The following EPHB2 variants were observed in gnomAD, a reference collection of about 807,000 sequenced individuals.
EPHB2 encodes the protein EPH receptor B2, also known as ephrin type-B receptor 2.
A neutral mutation model predicts 96.4 loss-of-function variants in EPHB2; 18 were observed. That is an observed-to-expected ratio of 0.19 (90% CI 0.13 to 0.28). The LOEUF is 0.28. Among genes scored for constraint, EPHB2 ranks in the 10% least tolerant of loss-of-function variants. The probability of loss-of-function intolerance (pLI) is 1.00; values close to 1 mark genes in which losing one functional copy is unlikely to be tolerated. For missense variants in EPHB2, 989 were observed against 1,355.4 expected, an observed-to-expected ratio of 0.73 and a Z score of 4.25; for synonymous variants, 506 against 534.1, an observed-to-expected ratio of 0.95 and a Z score of 0.72.
At chr1:22,723,177 G>A (rs139781975) in intron 1 of EPHB2, among the ~76,000 whole-genome samples, 2 of 152,336 alleles carry the variant, frequency 1.3e-5, no homozygotes, top group African/African-American at 2.4e-5. Context: ...CATCTGAAAC[G>A]TGTAAGTGGG....
intron 3 of EPHB2, among the ~76,000 whole-genome samples, chr1:22,805,881 G>A (rs28536506): frequency 0.06 from 9,200 of 152,234 alleles, 835 homozygotes; most frequent in African/African-American, 0.2. Context: ...GTGGGAGGCC[G>A]AGCCCATTTG....
intron 1 of EPHB2, chr1:22,775,368 G>C (rs1644435535): frequency 1.4e-6 from 1 of 699,738 alleles, no homozygotes; most frequent in South Asian, 1.5e-5. Context: ...GGCATGTATA[G>C]GTGCTTAATG....
intron 3 of EPHB2, among the ~76,000 whole-genome samples, chr1:22,834,362 T>C (rs1257992345): frequency 6.6e-6 from 1 of 152,214 alleles, no homozygotes; most frequent in Non-Finnish European, 1.5e-5. Flanking sequence ...GGGGGTCTTG[T>C]ATGGTGGCCA....
chr1:22,832,314 G>C (rs555826105), intron 3 of EPHB2, among the ~76,000 whole-genome samples: 2 of 152,186 alleles, frequency 1.3e-5, no homozygotes, highest in East Asian at 3.9e-4. Context: ...TCTCAGTGTT[G>C]CTGGGCTGAT....
intron 3 of EPHB2, among the ~76,000 whole-genome samples, chr1:22,819,210 T>TCTCTCTCTCTCTCC (rs1557693991): frequency 9.9e-6 from 1 of 101,224 alleles, no homozygotes; most frequent in Non-Finnish European, 2.1e-5. Context: ...CAGATGTCTC[T>TCTCTCTCTCTCTCC]CTCTCTCTCT....
chr1:22,853,342 T>C (rs901451630), intron 3 of EPHB2, among the ~76,000 whole-genome samples: 16 of 152,106 alleles, frequency 1.1e-4, no homozygotes, highest in African/African-American at 3.4e-4. Context: ...GACAAACAAT[T>C]CCTGAAGCCT....
rs1640239440 is a variant in EPHB2, at chr1:22,915,384, G to C, written c.*1814G>C. On this transcript the variant is annotated 3_prime_UTR_variant, in exon 16 of 16. Transcript: ENST00000374630. ...ACCTTGGTACCCTTGGGATGCACGT[G>C]ACCCAGGTGCTAAGGGTTGCTCTTC... 6.6e-6 allele frequency: 1 copy of C among 152,220 alleles called. No homozygotes were observed. Among genetic ancestry groups the C allele is most frequent in the African/African-American group, 2.4e-5 (1 of 41,450 alleles). The allele number at this position is 152,220 out of a possible 1,614,324, so 9.4% of individuals were successfully genotyped here.
intron 3 of EPHB2, among the ~76,000 whole-genome samples, chr1:22,798,308 A>G (rs1644795891): frequency 5.3e-5 from 8 of 152,122 alleles, no homozygotes; most frequent in Admixed American, 5.2e-4. Context: ...AGGGACTGAC[A>G]TGGCCAGGGC....
chr1:22,825,493 TA>T (rs1645210094), intron 3 of EPHB2, among the ~76,000 whole-genome samples: 1 of 152,218 alleles, frequency 6.6e-6, no homozygotes, highest in Non-Finnish European at 1.5e-5. Context: ...GTCTCAGGCC[TA>T]GCTTTGCTGC....
rs778954379 is a variant in EPHB2 at position 22,914,944 on chromosome 1, A to G, written c.*1374A>G. ...ACTTCCCACTCTCCTGCCCCAATCTATCTAGTACTTCCCAGGCAAATAGGC... is the reference window on the plus strand; with the variant it reads ...ACTTCCCACTCTCCTGCCCCAATCTGTCTAGTACTTCCCAGGCAAATAGGC... On this transcript the variant is annotated 3_prime_UTR_variant, in exon 16 of 16. Transcript: ENST00000374630. 3 of 152,588 alleles carry G rather than the reference A, an allele frequency of 2.0e-5. No individual in the cohort carries two copies. The highest frequency in any genetic ancestry group is 4.8e-5 in the African/African-American group (2 of 41,434). The allele number at this position is 152,588 out of a possible 1,614,324, so 9.5% of individuals were successfully genotyped here. A position where few individuals can be genotyped will look rare whatever the true frequency, so the allele number is the denominator to read the frequency against.
intron 1 of EPHB2, among the ~76,000 whole-genome samples, chr1:22,740,969 G>T (rs958796601): frequency 6.6e-6 from 1 of 152,010 alleles, no homozygotes; most frequent in African/African-American, 2.4e-5. Flanking sequence ...CCGTCCCTGC[G>T]ATGCCAAGCC....
chr1:22,904,963 A>G (rs572118907), intron 9 of EPHB2, among the ~76,000 whole-genome samples: 2 of 152,292 alleles, frequency 1.3e-5, no homozygotes, highest in East Asian at 3.9e-4. Flanking sequence ...CTGCCTCCAA[A>G]TTTGCAGCTC....
chr1:22,907,511 G>C (rs115792096), intron 11 of EPHB2, among the ~76,000 whole-genome samples: 71 of 152,328 alleles, frequency 4.7e-4, no homozygotes, highest in African/African-American at 1.6e-3. Flanking sequence ...CACCAGACTG[G>C]ACATCAGAAG....
chr1:22,744,369 C>T (rs1317312494), intron 1 of EPHB2, among the ~76,000 whole-genome samples: 1 of 151,734 alleles, frequency 6.6e-6, no homozygotes, highest in African/African-American at 2.4e-5. Flanking sequence ...CTAGTAATAG[C>T]CTACTGTCGA....
intron 1 of EPHB2, among the ~76,000 whole-genome samples, chr1:22,714,601 A>G (rs1643244684): frequency 6.6e-6 from 1 of 151,958 alleles, no homozygotes; most frequent in Admixed American, 6.6e-5. Flanking sequence ...GGGAGTTTGG[A>G]TCAAATGCTG....
At chr1:22,716,093 C>G (rs942837729) in intron 1 of EPHB2, among the ~76,000 whole-genome samples, 33 of 152,218 alleles carry the variant, frequency 2.2e-4, no homozygotes, top group African/African-American at 8.0e-4. Flanking sequence ...ATGGTAACCC[C>G]CCAAGTGTGG....
At chr1:22,737,659 T>G (rs1408814678) in intron 1 of EPHB2, among the ~76,000 whole-genome samples, 2 of 152,196 alleles carry the variant, frequency 1.3e-5, no homozygotes, top group African/African-American at 2.4e-5. Flanking sequence ...GTATGGCTAA[T>G]TTTGTCTACA....
At chr1:22,744,876 AAG>A (rs559889317) in intron 1 of EPHB2, among the ~76,000 whole-genome samples, 4 of 152,090 alleles carry the variant, frequency 2.6e-5, no homozygotes, top group Admixed American at 2.0e-4. Flanking sequence ...AAAAGAAAAA[AAG>A]AAAATCACAA....
intron 3 of EPHB2, among the ~76,000 whole-genome samples, chr1:22,848,064 T>C (rs1171809783): frequency 6.6e-6 from 1 of 152,192 alleles, no homozygotes; most frequent in African/African-American, 2.4e-5. Flanking sequence ...AAAGTGATCA[T>C]TGAGAAACAG....
Sources: allele counts gnomAD v4.1 joint callset (sites outside exome capture counted in the v4.1 genomes callset), GRCh38; gene constraint gnomAD v4.1.1; transcripts MANE v1.5; gene names NCBI Gene and HGNC (gene_info 2026-07-23, HGNC 2026-07-21).